VAV3: variants seen among roughly 807,000 people sequenced by gnomAD.
VAV3 encodes the protein vav guanine nucleotide exchange factor 3, also known as guanine nucleotide exchange factor VAV3.
In VAV3, 94 loss-of-function variants were observed where a neutral mutation model predicts 131.2. The observed-to-expected ratio is 0.72, with a 90% CI of 0.61 to 0.85. VAV3 has a LOEUF of 0.85. Ranked by LOEUF, VAV3 falls within the 40% of genes least tolerant of loss-of-function variation. VAV3 has a pLI of 0.00. For missense variants in VAV3, 939 were observed against 1,002.7 expected (o/e 0.94, Z 0.86); for synonymous variants, 349 against 342.0 (o/e 1.02, Z -0.22).
intron 1 of VAV3, among the ~76,000 whole-genome samples, chr1:107,892,646 T>C (rs1430540817): frequency 6.6e-6 from 1 of 151,962 alleles, no homozygotes; most frequent in African/African-American, 2.4e-5. Flanking sequence ...CTCCTCTCTA[T>C]CTATATATAA....
chr1:107,706,194 A>T (rs1660442800), intron 15 of VAV3, among the ~76,000 whole-genome samples: 1 of 152,158 alleles, frequency 6.6e-6, no homozygotes, highest in South Asian at 2.1e-4. Context: ...GAAAAGCTTG[A>T]GATACTGATG....
chr1:107,780,565 G>A (rs919142696), intron 2 of VAV3, among the ~76,000 whole-genome samples: 1 of 152,116 alleles, frequency 6.6e-6, no homozygotes, highest in Non-Finnish European at 1.5e-5. Flanking sequence ...GTGCAGGCTG[G>A]AGTACAGTGG....
chr1:107,964,908 G>T lies in VAV3; in HGVS notation c.-39C>A. 1 of 1,288,198 alleles carries T rather than the reference G, an allele frequency of 7.8e-7. No homozygotes were observed. The highest frequency in any genetic ancestry group is 2.7e-5 in the South Asian group (1 of 37,232). 79.8% of individuals were successfully genotyped at this position (1,288,198 alleles called of 1,614,324 possible). ...GGGACGCGGCTGGGCCGGGGCGGGC[G>T]GCAAGGATGCGGCCGCCGCCGCCGC... is the stretch of plus-strand genomic sequence containing the variant. On this transcript the variant is annotated 5_prime_UTR_variant, in exon 1 of 27. Transcript: ENST00000370056.
intron 2 of VAV3, among the ~76,000 whole-genome samples, chr1:107,811,217 T>C (rs1025301539): frequency 2.6e-5 from 4 of 152,114 alleles, no homozygotes; most frequent in Admixed American, 6.6e-5. Flanking sequence ...TGGTTAGAAG[T>C]TGAACAGGTA....
At chr1:107,872,488 T>C (rs1670297963) in intron 2 of VAV3, among the ~76,000 whole-genome samples, 2 of 152,136 alleles carry the variant, frequency 1.3e-5, no homozygotes, top group South Asian at 4.1e-4. Context: ...AAACAACCTA[T>C]CCACATCCTG....
At chr1:107,763,009 A>G (rs1432960147) in intron 9 of VAV3, among the ~76,000 whole-genome samples, 1 of 152,218 alleles carries the variant, frequency 6.6e-6, no homozygotes, top group Non-Finnish European at 1.5e-5. Flanking sequence ...GTAGAGAAGA[A>G]AAAGACAAAA....
intron 15 of VAV3, among the ~76,000 whole-genome samples, chr1:107,719,003 T>C (rs1295820497): frequency 6.6e-6 from 1 of 152,222 alleles, no homozygotes; most frequent in African/African-American, 2.4e-5. Flanking sequence ...TGGCTAGCCA[T>C]ATGTAGAAAG....
intron 2 of VAV3, among the ~76,000 whole-genome samples, chr1:107,854,700 C>T (rs189766265): frequency 6.1e-4 from 93 of 152,262 alleles, no homozygotes; most frequent in Admixed American, 2.5e-3. Context: ...TCATAATGAC[C>T]TCCCTGACCT....
intron 19 of VAV3, among the ~76,000 whole-genome samples, chr1:107,670,817 T>A (rs1657736702): frequency 6.6e-6 from 1 of 152,136 alleles, no homozygotes; most frequent in Non-Finnish European, 1.5e-5. Context: ...AAATACATCA[T>A]ATGCTCAACC....
At chr1:107,891,730 T>C (rs952988537) in intron 1 of VAV3, among the ~76,000 whole-genome samples, 1 of 150,944 alleles carries the variant, frequency 6.6e-6, no homozygotes, top group Non-Finnish European at 1.5e-5. Flanking sequence ...TCCCAGCTAC[T>C]TGGGAGGTTG....
At chr1:107,847,792 A>G (rs1419805379) in intron 2 of VAV3, among the ~76,000 whole-genome samples, 1 of 152,152 alleles carries the variant, frequency 6.6e-6, no homozygotes, top group Non-Finnish European at 1.5e-5. Flanking sequence ...CTGACCAACT[A>G]AAAAAAGCCC....
At chr1:107,836,016 G>A (rs1388438389) in intron 2 of VAV3, among the ~76,000 whole-genome samples, 3 of 152,254 alleles carry the variant, frequency 2.0e-5, no homozygotes, top group East Asian at 3.9e-4. Context: ...ACCTAACACT[G>A]GAGCATCCAG....
intron 25 of VAV3, among the ~76,000 whole-genome samples, chr1:107,590,430 G>A (rs925020139): frequency 6.6e-6 from 1 of 151,952 alleles, no homozygotes; most frequent in Non-Finnish European, 1.5e-5. Context: ...AGCAAACAAT[G>A]CACCAGAAGA....
intron 17 of VAV3, among the ~76,000 whole-genome samples, chr1:107,690,681 A>C (rs1013052939): frequency 6.6e-6 from 1 of 152,106 alleles, no homozygotes; most frequent in Non-Finnish European, 1.5e-5. Context: ...GTGCTTTAAG[A>C]AATGCTCTAC....
At chr1:107,934,586 T>C (rs1473013207) in intron 1 of VAV3, among the ~76,000 whole-genome samples, 1 of 152,212 alleles carries the variant, frequency 6.6e-6, no homozygotes, top group African/African-American at 2.4e-5. Context: ...ATGAAAAGTA[T>C]AGTTCTAACC....
At chr1:107,650,612 G>C (rs1029908848) in intron 19 of VAV3, among the ~76,000 whole-genome samples, 1 of 150,576 alleles carries the variant, frequency 6.6e-6, no homozygotes, top group Non-Finnish European at 1.5e-5. Context: ...ACAATGTGCA[G>C]GTTAGTTACA....
At chr1:107,879,153 A>C (rs375922081) in intron 1 of VAV3, among the ~76,000 whole-genome samples, 6 of 152,046 alleles carry the variant, frequency 3.9e-5, no homozygotes, top group African/African-American at 1.4e-4. Flanking sequence ...TTCTTATATC[A>C]AGTTGTCCCA....
intron 2 of VAV3, among the ~76,000 whole-genome samples, chr1:107,826,943 A>C (rs1258419794): frequency 6.6e-6 from 1 of 152,208 alleles, no homozygotes; most frequent in African/African-American, 2.4e-5. Flanking sequence ...TTATATTAAA[A>C]AGATAATATT....
In VAV3 at chr1:107,655,731, T is replaced by TA. The variant is rs151037707; in HGVS notation, c.1778-12977dup. Reference sequence around the variant, plus strand: ...TCTGACAGGGAATTAATAACTAGAATACAGAAGGTGCTCAAACAACTAAGA... The same window carrying TA: ...TCTGACAGGGAATTAATAACTAGAATAACAGAAGGTGCTCAAACAACTAAGA... On this transcript the variant is annotated intron_variant, in intron 19 of 26. Transcript: ENST00000370056. Among the ~76,000 whole-genome samples the TA allele has an allele frequency of 5.5e-3, 836 of 152,216 alleles. 7 individuals are homozygous for TA. The highest frequency in any genetic ancestry group is 0.019 in the African/African-American group (790 of 41,546).
Sources: allele counts gnomAD v4.1 joint callset (sites outside exome capture counted in the v4.1 genomes callset), GRCh38; gene constraint gnomAD v4.1.1; transcripts MANE v1.5; gene names NCBI Gene and HGNC (gene_info 2026-07-23, HGNC 2026-07-21).